The following VWC2L variants were observed in gnomAD, a reference collection of about 807,000 sequenced individuals.
VWC2L encodes the protein von Willebrand factor C domain-containing protein 2-like.
Under a neutral mutation model 21.6 loss-of-function variants are expected in VWC2L, and 10 were observed. The observed-to-expected ratio is 0.46, with a 90% CI of 0.29 to 0.78. The LOEUF (loss-of-function observed/expected upper bound fraction) is 0.78. Among genes scored for constraint, VWC2L ranks in the 30% least tolerant of loss-of-function variants. VWC2L has a pLI of 0.10. For synonymous variants in VWC2L, 96 were observed against 94.3 expected (o/e 1.02, Z -0.10); for missense variants, 209 against 277.1 (o/e 0.75, Z 1.74).
intron 3 of VWC2L, among the ~76,000 whole-genome samples, chr2:214,528,903 T>A (rs779022157): frequency 2.6e-5 from 4 of 152,216 alleles, no homozygotes; most frequent in African/African-American, 4.8e-5. Flanking sequence ...TTCCTGAATT[T>A]TTAGAGACAA....
chr2:214,442,386 A>G (rs1702774356), intron 3 of VWC2L, among the ~76,000 whole-genome samples: 2 of 152,224 alleles, frequency 1.3e-5, no homozygotes, highest in African/African-American at 4.8e-5. Context: ...ATAGATGTGA[A>G]CAGGTAGTTC....
chr2:214,482,080 T>C (rs929979281), intron 3 of VWC2L, among the ~76,000 whole-genome samples: 3 of 152,250 alleles, frequency 2.0e-5, no homozygotes, highest in Middle Eastern at 6.8e-3. Context: ...GATTGAAACA[T>C]TGGCAAAAAT....
intron 3 of VWC2L, among the ~76,000 whole-genome samples, chr2:214,537,644 C>T (rs1689556748): frequency 1.3e-5 from 2 of 151,936 alleles, no homozygotes; most frequent in Admixed American, 1.3e-4. Flanking sequence ...GAGAACATGT[C>T]AATTACCTTG....
intron 3 of VWC2L, among the ~76,000 whole-genome samples, chr2:214,508,016 G>A (rs1460636017): frequency 6.6e-6 from 1 of 151,874 alleles, no homozygotes; most frequent in Non-Finnish European, 1.5e-5. Flanking sequence ...TCGCTCTGTC[G>A]CCCAGGCTGG....
chr2:214,428,769 A>G (rs977249654), intron 2 of VWC2L, among the ~76,000 whole-genome samples: 2 of 151,708 alleles, frequency 1.3e-5, no homozygotes, highest in Admixed American at 1.3e-4. Context: ...TATAAAATGA[A>G]GAAAAAATTT....
At chr2:214,549,534 G>C (rs972859773) in intron 3 of VWC2L, among the ~76,000 whole-genome samples, 3 of 152,180 alleles carry the variant, frequency 2.0e-5, no homozygotes, top group African/African-American at 7.2e-5. Flanking sequence ...CAGCACTTTG[G>C]GACGTCAAGA....
chr2:214,514,038 G>T (rs1029618737), intron 3 of VWC2L, among the ~76,000 whole-genome samples: 1 of 152,076 alleles, frequency 6.6e-6, no homozygotes, highest in Admixed American at 6.5e-5. Context: ...TATTTATAAT[G>T]AGAACTGATT....
At chr2:214,502,879 G>A (rs1319326832) in intron 3 of VWC2L, among the ~76,000 whole-genome samples, 1 of 151,960 alleles carries the variant, frequency 6.6e-6, no homozygotes, top group African/African-American at 2.4e-5. Flanking sequence ...TCCCCAGATG[G>A]GCAACACCAG....
chr2:214,450,596 C>A (rs1190410494), intron 3 of VWC2L, among the ~76,000 whole-genome samples: 1 of 151,966 alleles, frequency 6.6e-6, no homozygotes, highest in African/African-American at 2.4e-5. Context: ...AAATATGGAC[C>A]CAATTAGTTG....
chr2:214,514,190 T>C (rs191884641), intron 3 of VWC2L, among the ~76,000 whole-genome samples: 5 of 152,102 alleles, frequency 3.3e-5, no homozygotes, highest in African/African-American at 1.2e-4. Flanking sequence ...TTACTTAACG[T>C]TTTAATTTTT....
At chr2:214,550,100 G>A (rs183135536) in intron 3 of VWC2L, among the ~76,000 whole-genome samples, 13 of 152,250 alleles carry the variant, frequency 8.5e-5, no homozygotes, top group South Asian at 6.2e-4. Context: ...CTTGAAACCC[G>A]CATGTGAAAT....
chr2:214,423,336 G>A (rs903333133), intron 2 of VWC2L, among the ~76,000 whole-genome samples: 3 of 151,990 alleles, frequency 2.0e-5, no homozygotes, highest in African/African-American at 7.2e-5. Context: ...TTATTTTAGA[G>A]GTGATAAAAG....
chr2:214,507,632 C>A lies in VWC2L; in HGVS notation c.521-68040C>A, dbSNP rs1185036933. ...CCAGAGTTTGTGCCAATGTACCATG[C>A]TGGCACCCTAAAATAATTATTATCT... is the stretch of plus-strand genomic sequence containing the variant. On this transcript the variant is annotated intron_variant, in intron 3 of 3. Coordinates refer to ENST00000312504, the MANE Select transcript of VWC2L (RefSeq NM_001080500.4). Among the ~76,000 whole-genome samples, 10 of 152,140 alleles carry A rather than the reference C, an allele frequency of 6.6e-5. No homozygotes were observed. The East Asian group carries it at 1.5e-3, about 23-fold the overall frequency.
At chr2:214,498,962 A>T (rs1688851391) in intron 3 of VWC2L, among the ~76,000 whole-genome samples, 1 of 144,364 alleles carries the variant, frequency 6.9e-6, no homozygotes, top group Non-Finnish European at 1.5e-5. Flanking sequence ...CATAGAGGGG[A>T]TTTATGGATA....
chr2:214,499,009 CTTTTTTTTTTTTTTTT>C (rs56085205), intron 3 of VWC2L, among the ~76,000 whole-genome samples: 2 of 83,452 alleles, frequency 2.4e-5, no homozygotes, highest in African/African-American at 1.2e-4. Flanking sequence ...TCGTACCATT[CTTTTTTTTTTTTTTTT>C]TTTTTTTTTT....
intron 3 of VWC2L, among the ~76,000 whole-genome samples, chr2:214,548,982 A>C (rs766304987): frequency 1.3e-5 from 2 of 152,190 alleles, no homozygotes; most frequent in Non-Finnish European, 2.9e-5. Flanking sequence ...AGAAGTCTGA[A>C]ACCAAGCAGT....
rs144955842 is a variant in VWC2L at position 214,469,994 on chromosome 2, G to C, written c.520+33236G>C. Reference sequence around the variant, plus strand: ...CTCCATTGGAAAGAGAAGAAATTTTGATACCTTAAACAGTTCGGAAAAAAA... The same window carrying C: ...CTCCATTGGAAAGAGAAGAAATTTTCATACCTTAAACAGTTCGGAAAAAAA... On this transcript the variant is annotated intron_variant, in intron 3 of 3. Transcript: ENST00000312504. Among the ~76,000 whole-genome samples the C allele has an allele frequency of 6.7e-3, 1,018 of 152,138 alleles. 9 individuals are homozygous for C. The highest frequency in any genetic ancestry group is 0.023 in the African/African-American group (970 of 41,498).
chr2:214,463,094 T>A (rs1703165172), intron 3 of VWC2L, among the ~76,000 whole-genome samples: 1 of 152,190 alleles, frequency 6.6e-6, no homozygotes, highest in Admixed American at 6.5e-5. Flanking sequence ...TATTCTGCCA[T>A]TCTCGGATAT....
intron 3 of VWC2L, among the ~76,000 whole-genome samples, chr2:214,566,330 C>T (rs1690061529): frequency 6.6e-6 from 1 of 152,142 alleles, no homozygotes; most frequent in Non-Finnish European, 1.5e-5. Flanking sequence ...AGCAGCCAAC[C>T]TTTACTTCTA....
Sources: allele counts gnomAD v4.1 joint callset (sites outside exome capture counted in the v4.1 genomes callset), GRCh38; gene constraint gnomAD v4.1.1; transcripts MANE v1.5; gene names NCBI Gene and HGNC (gene_info 2026-07-23, HGNC 2026-07-21).